KDR: variants seen among roughly 807,000 people sequenced by gnomAD.
The protein encoded by KDR is vascular endothelial growth factor receptor 2.
In KDR, 43 loss-of-function variants were observed where a neutral mutation model predicts 160.9. That is an observed-to-expected ratio of 0.27 (90% CI 0.21 to 0.34). KDR has a LOEUF of 0.34. Among genes scored for constraint, KDR ranks in the 10% least tolerant of loss-of-function variants. The probability of loss-of-function intolerance (pLI) is 1.00; values close to 1 mark genes in which losing one functional copy is unlikely to be tolerated. For missense variants in KDR, 1,469 were observed against 1,666.4 expected, an observed-to-expected ratio of 0.88 and a Z score of 2.06; for synonymous variants, 617 against 600.1, an observed-to-expected ratio of 1.03 and a Z score of -0.41.
At chr4:55,112,628 A>T (rs761636531) in intron 7 of KDR, among the ~76,000 whole-genome samples, 44 of 150,434 alleles carry the variant, frequency 2.9e-4, no homozygotes, top group Non-Finnish European at 5.0e-4. Context: ...TCCTGGGTTC[A>T]AGCAATTCTC....
At chr4:55,088,715 T>C (rs1458819) in intron 26 of KDR, among the ~76,000 whole-genome samples, 153 bp downstream of exon 26, 12,108 of 152,296 alleles carry the variant, frequency 0.08, 582 homozygotes, top group Non-Finnish European at 0.11. Flanking sequence ...TTACAGCTTT[T>C]AGAAAAGCAT....
intron 3 of KDR, among the ~76,000 whole-genome samples, chr4:55,117,870 A>C (rs1720773089): frequency 6.6e-6 from 1 of 152,252 alleles, no homozygotes. Flanking sequence ...CAGAAAAGAT[A>C]AGATAGTGTA....
chr4:55,111,244 C>T (rs1165557608), intron 7 of KDR, among the ~76,000 whole-genome samples: 1 of 152,160 alleles, frequency 6.6e-6, no homozygotes, highest in East Asian at 1.9e-4. Flanking sequence ...TGCCCTGACT[C>T]CTCTGGGTTC....
rs2110024643 is a variant in KDR at position 55,106,828 on chromosome 4, C to T, written c.1413-18G>A. The T allele has an allele frequency of 6.3e-7, 1 of 1,597,766 alleles. No homozygotes were observed. Among genetic ancestry groups the T allele is most frequent in the Non-Finnish European group, 8.6e-7 (1 of 1,165,276 alleles). On this transcript the variant is annotated intron_variant, in intron 10 of 29. Transcript: ENST00000263923. Reference sequence around the variant, plus strand: ...CAGCTTGGCTATAAGAAAGAGATAACAGCGCATATTATGATTTAATTTTTC... The same window carrying T: ...CAGCTTGGCTATAAGAAAGAGATAATAGCGCATATTATGATTTAATTTTTC...
rs1487458989 is a variant in KDR, at chr4:55,107,802, G to A, written c.1347C>T (p.Ala449=). 2 of 1,613,982 alleles carry A rather than the reference G, an allele frequency of 1.2e-6. No homozygotes were observed. The highest frequency in any genetic ancestry group is 2.7e-5 in the African/African-American group (2 of 75,010). ...TTQTLTCTVY[A]IPPPHHIHWY... is the part of the protein sequence containing the mutation. ...AGTGGATGTGATGCGGGGGAGGAAT[G>A]GCATAGACCGTACATGTCAGCGTTT... The change falls in exon 10 of 30, where the codon GCC becomes GCT. Residue 449 remains alanine, a synonymous_variant. Transcript: ENST00000263923.
At chr4:55,117,739 A>T (rs1448890349) in intron 3 of KDR, among the ~76,000 whole-genome samples, 1 of 152,210 alleles carries the variant, frequency 6.6e-6, no homozygotes, top group East Asian at 1.9e-4. Flanking sequence ...TAAATACATA[A>T]AATGTCTGTT....
At position 55,094,935 on chromosome 4, in the gene KDR, A is replaced by G. The variant is rs2110015342; in HGVS notation, c.2838T>C (p.Arg946=). 6.2e-7 allele frequency: 1 copy of G among 1,613,972 alleles called. No individual in the cohort carries two copies. The part of the protein sequence containing the change: ...VPYKTKGARF[R]QGKDYVGAIP... ...TTGCTCCAACGTAGTCTTTCCCTTG[A>G]CGGAATCGTGCCCCTTTGGTCTATA... The change falls in exon 21 of 30, where the codon CGT becomes CGC. Residue 946 remains arginine (R), a synonymous_variant. Transcript: ENST00000263923.
intron 23 of KDR, 36 bp from the exon 24 acceptor site, chr4:55,089,838 T>C (rs2110011246): frequency 1.2e-6 from 2 of 1,608,154 alleles, no homozygotes; most frequent in Non-Finnish European, 1.7e-6. Flanking sequence ...AGAACCCAAA[T>C]TAGCAAATAT....
chr4:55,123,135 T>A (rs1468910185), intron 1 of KDR, among the ~76,000 whole-genome samples: 3 of 152,084 alleles, frequency 2.0e-5, no homozygotes, highest in Non-Finnish European at 4.4e-5. Flanking sequence ...AAAACCAAAA[T>A]GTTTAAAAGC....
At position 55,104,941 on chromosome 4, in the gene KDR, C is replaced by T; in HGVS notation, c.1689G>A (p.Glu563=). The part of the protein sequence containing the change: ...ITLQPDMQPT[E]QESVSLWCTA... ...TGCACCACAAAGACACGCTCTCCTG[C>T]TCAGTGGGCTGCATGTCAGGTTGCA... The change falls in exon 13 of 30, where the codon GAG becomes GAA. Residue 563 remains glutamate (E), a synonymous_variant. Coordinates refer to ENST00000263923, the MANE Select transcript of KDR (RefSeq NM_002253.4). 6.2e-7 allele frequency: 1 copy of T among 1,613,834 alleles called. No homozygotes were observed. The highest frequency in any genetic ancestry group is 8.5e-7 in the Non-Finnish European group (1 of 1,179,798).
At position 55,098,150 on chromosome 4, in the gene KDR, G is replaced by C; in HGVS notation, c.2496C>G (p.Asp832Glu). The C allele has an allele frequency of 6.2e-7, 1 of 1,613,910 alleles. No homozygotes were observed. Among genetic ancestry groups the C allele is most frequent in the Non-Finnish European group, 8.5e-7 (1 of 1,179,876 alleles). ...YDASKWEFPR[D>E]RLKLGKPLGR... ...TTGAAAATGCACCTAGCTTCAGCCG[G>C]TCTCTGGGGAATTCCCATTTGCTGG... Residue 832 changes from aspartate (D) to glutamate (E), a missense_variant, in exon 17 of 30, where the codon GAC becomes GAG. By Grantham distance (45) the Asp-to-Glu change is conservative. Coordinates refer to ENST00000263923, the MANE Select transcript of KDR (RefSeq NM_002253.4).
chr4:55,095,144 T>C (rs942896539), intron 20 of KDR, among the ~76,000 whole-genome samples, 189 bp from the exon 21 acceptor site: 1 of 152,056 alleles, frequency 6.6e-6, no homozygotes, highest in Admixed American at 6.6e-5. Context: ...CATAATAGGG[T>C]TTCTTCCACA....
At chr4:55,107,457 C>A (rs1031730545) in intron 10 of KDR, among the ~76,000 whole-genome samples, 1 of 152,134 alleles carries the variant, frequency 6.6e-6, no homozygotes, top group South Asian at 2.1e-4. Context: ...AAACCAAAGA[C>A]TGGCAATTAG....
At chr4:55,101,530 C>T (rs1298767477) in intron 15 of KDR, among the ~76,000 whole-genome samples, 2 of 152,102 alleles carry the variant, frequency 1.3e-5, no homozygotes, top group Non-Finnish European at 2.9e-5. Context: ...GATACATGTG[C>T]AGAATGCTCA....
In KDR at chr4:55,078,947, G is replaced by A; in HGVS notation, c.*994C>T. 4.3e-6 allele frequency: 1 copy of A among 233,294 alleles called. No individual in the cohort carries two copies. Among genetic ancestry groups the A allele is most frequent in the South Asian group, 1.8e-4 (1 of 5,522 alleles). The allele number at this position is 233,294 out of a possible 1,614,324, so 14.5% of individuals were successfully genotyped here. ...GGTGAGAGTGGGTTGGGGACAGGGG[G>A]AAGAACAAAAGGGTAAAATCCTTCC... On this transcript the variant is annotated 3_prime_UTR_variant, in exon 30 of 30. Transcript: ENST00000263923.
At chr4:55,094,668 A>G in intron 21 of KDR, 134 bp downstream of exon 21, 1 of 868,670 alleles carries the variant, frequency 1.2e-6, no homozygotes, top group South Asian at 1.3e-5. Flanking sequence ...GCAGTCTATT[A>G]TAGAAATTCA....
At chr4:55,113,590 C>T in intron 6 of KDR, 109 bp from the exon 7 acceptor site, 1 of 968,358 alleles carries the variant, frequency 1.0e-6, no homozygotes, top group East Asian at 2.5e-5. Context: ...TTATTTAATG[C>T]TAAAAACAGG....
At chr4:55,110,938 C>T (rs957851373) in intron 7 of KDR, among the ~76,000 whole-genome samples, 170 bp from the exon 8 acceptor site, 2 of 152,094 alleles carry the variant, frequency 1.3e-5, no homozygotes, top group African/African-American at 4.8e-5. Flanking sequence ...CCACACCTCC[C>T]GTGTTTCTCC....
chr4:55,090,165 C>G (rs2110012048), intron 22 of KDR, 87 bp from the exon 23 acceptor site: 2 of 1,519,162 alleles, frequency 1.3e-6, no homozygotes, highest in Non-Finnish European at 1.8e-6. Flanking sequence ...AAAAAAAATC[C>G]CACATCAGAA....
Sources: allele counts gnomAD v4.1 joint callset (sites outside exome capture counted in the v4.1 genomes callset), GRCh38; gene constraint gnomAD v4.1.1; transcripts MANE v1.5; gene names NCBI Gene and HGNC (gene_info 2026-07-23, HGNC 2026-07-21).